QTMAN: variants seen among roughly 807,000 people sequenced by gnomAD.
QTMAN encodes the protein tRNA-queuosine alpha-mannosyltransferase.
At chr2:144,300,328 T>C in the QTMAN span, among the ~76,000 whole-genome samples, 4 of 152,204 alleles carry the variant, frequency 2.6e-5, no homozygotes, top group Non-Finnish European at 5.9e-5. Context: ...AATGGCCAAA[T>C]GATATACAAA....
At chr2:144,136,941 T>C in the QTMAN span, among the ~76,000 whole-genome samples, 1 of 152,196 alleles carries the variant, frequency 6.6e-6, no homozygotes, top group South Asian at 2.1e-4. Context: ...AAGCCTTCAG[T>C]ATGGAAGGAG....
chr2:144,328,239 C>T, the QTMAN span, among the ~76,000 whole-genome samples: 6 of 152,156 alleles, frequency 3.9e-5, no homozygotes. Flanking sequence ...GCATGAGCCA[C>T]CACATCTGGC....
At chr2:144,321,019 T>C in the QTMAN span, among the ~76,000 whole-genome samples, 2 of 152,216 alleles carry the variant, frequency 1.3e-5, no homozygotes, top group Admixed American at 6.5e-5. Context: ...TTTATCTATA[T>C]AGATGGATTT....
chr2:144,043,445 T>C, the QTMAN span, among the ~76,000 whole-genome samples: 1 of 151,960 alleles, frequency 6.6e-6, no homozygotes, highest in Non-Finnish European at 1.5e-5. Flanking sequence ...ATCAGCTTGG[T>C]CAGCATGGTG....
chr2:144,125,299 C>T, the QTMAN span, among the ~76,000 whole-genome samples: 1 of 151,792 alleles, frequency 6.6e-6, no homozygotes, highest in Non-Finnish European at 1.5e-5. Context: ...TTTGAAGAGG[C>T]TAGAAGCACC....
the QTMAN span, chr2:143,970,805 C>T: frequency 1.3e-5 from 14 of 1,086,722 alleles, no homozygotes; most frequent in Non-Finnish European, 1.8e-5. Context: ...TACCTTAGGG[C>T]ATGTGTTAGG....
the QTMAN span, among the ~76,000 whole-genome samples, chr2:144,112,688 A>G: frequency 6.6e-6 from 1 of 152,200 alleles, no homozygotes; most frequent in Non-Finnish European, 1.5e-5. Flanking sequence ...TGCTGTATCA[A>G]GGTATTTCTC....
chr2:144,128,575 T>C, the QTMAN span, among the ~76,000 whole-genome samples: 1 of 152,040 alleles, frequency 6.6e-6, no homozygotes, highest in African/African-American at 2.4e-5. Context: ...ATGACTCTAG[T>C]ACCACATTTC....
the QTMAN span, among the ~76,000 whole-genome samples, chr2:144,101,758 C>T: frequency 6.6e-6 from 1 of 151,998 alleles, no homozygotes; most frequent in Non-Finnish European, 1.5e-5. Flanking sequence ...TAACATTATT[C>T]TGTCAAATAC....
chr2:144,128,222 A>C, the QTMAN span: 1 of 151,934 alleles, frequency 6.6e-6, no homozygotes, highest in Non-Finnish European at 1.5e-5. Context: ...AATCTCAGAA[A>C]AGAGAGACAA....
At chr2:144,287,999 C>A in the QTMAN span, among the ~76,000 whole-genome samples, 1 of 152,128 alleles carries the variant, frequency 6.6e-6, no homozygotes, top group East Asian at 1.9e-4. Context: ...GGATTACAGG[C>A]GCACACCACC....
chr2:144,022,560 C>CTTTTTTTTTTTTTT, the QTMAN span, among the ~76,000 whole-genome samples: 2 of 104,242 alleles, frequency 1.9e-5, no homozygotes, highest in African/African-American at 4.3e-5. Flanking sequence ...CTCTCTCTCT[C>CTTTTTTTTTTTTTT]TTTTTTTTTT....
At chr2:144,110,408 G>A in the QTMAN span, among the ~76,000 whole-genome samples, 3 of 152,058 alleles carry the variant, frequency 2.0e-5, no homozygotes, top group Non-Finnish European at 4.4e-5. Context: ...AGGGGAGGGG[G>A]GAAGGATAGC....
chr2:144,110,803 G>A, the QTMAN span, among the ~76,000 whole-genome samples: 2 of 152,072 alleles, frequency 1.3e-5, no homozygotes, highest in South Asian at 2.1e-4. Flanking sequence ...AAGGCAGCAG[G>A]AGTGATATCA....
the QTMAN span, among the ~76,000 whole-genome samples, chr2:144,086,917 C>T: frequency 6.6e-6 from 1 of 152,138 alleles, no homozygotes; most frequent in African/African-American, 2.4e-5. Flanking sequence ...TTCCCAGAAT[C>T]TCCCTGTGTC....
At chr2:143,996,506 G>A in the QTMAN span, among the ~76,000 whole-genome samples, 2 of 152,036 alleles carry the variant, frequency 1.3e-5, no homozygotes, top group African/African-American at 4.8e-5. Context: ...TTCTGAAACT[G>A]GGGAAACAAT....
the QTMAN span, among the ~76,000 whole-genome samples, chr2:144,039,884 C>A: frequency 2.6e-5 from 4 of 152,164 alleles, no homozygotes; most frequent in Admixed American, 2.6e-4. Flanking sequence ...GGTTTAGGAA[C>A]CTGTACACTG....
chr2:144,205,637 A>C, the QTMAN span, among the ~76,000 whole-genome samples: 3 of 152,338 alleles, frequency 2.0e-5, no homozygotes, highest in African/African-American at 7.2e-5. Flanking sequence ...AATACCTCAG[A>C]TGAAACAAAA....
chr2:144,325,431 G>A, the QTMAN span, among the ~76,000 whole-genome samples: 1 of 151,304 alleles, frequency 6.6e-6, no homozygotes, highest in Non-Finnish European at 1.5e-5. Flanking sequence ...GAGCAACTTT[G>A]CCTCCCCCAT....
Sources: allele counts gnomAD v4.1 joint callset (sites outside exome capture counted in the v4.1 genomes callset), GRCh38; gene constraint gnomAD v4.1.1; transcripts MANE v1.5; gene names NCBI Gene and HGNC (gene_info 2026-07-23, HGNC 2026-07-21).